Variants in XPO1 observed in about 807,000 individuals in gnomAD.
XPO1 encodes exportin 1.
In XPO1, 5 loss-of-function variants were observed where a neutral mutation model predicts 133.3. The observed-to-expected ratio is 0.04, with a 90% CI of 0.02 to 0.08. The LOEUF is 0.08. Among genes scored for constraint, XPO1 ranks in the 10% least tolerant of loss-of-function variants. The pLI is 1.00. For synonymous variants in XPO1, 419 were observed against 408.2 expected, an observed-to-expected ratio of 1.03 and a Z score of -0.32; for missense variants, 506 against 1,267.5, an observed-to-expected ratio of 0.40 and a Z score of 9.12.
rs201346154 is a variant in XPO1, at chr2:61,482,613, T to G, written c.2813-74A>C. On this transcript the variant is annotated intron_variant, in intron 22 of 24. Transcript: ENST00000401558. ...GATCTTAGCGTTTTTTTTTGTTTTG[T>G]TTTTTTTTTTTAGACGGAGTCTCGC... The G allele has an allele frequency of 8.7e-4, 82 of 93,850 alleles. No homozygotes were observed. In the African/African-American group the frequency reaches 0.026, roughly 30 times the overall value. The allele number at this position is 93,850 out of a possible 1,614,324, so 5.8% of individuals were successfully genotyped here. A position where few individuals can be genotyped will look rare whatever the true frequency, so the allele number is the denominator to read the frequency against.
chr2:61,479,988 C>G (rs1290561779), intron 24 of XPO1, among the ~76,000 whole-genome samples: 1 of 152,132 alleles, frequency 6.6e-6, no homozygotes, highest in Non-Finnish European at 1.5e-5. Context: ...CCTCTGCCTC[C>G]CGAGTAGCTG....
At chr2:61,520,258 A>G (rs1698625219) in intron 4 of XPO1, among the ~76,000 whole-genome samples, 1 of 152,236 alleles carries the variant, frequency 6.6e-6, no homozygotes, top group African/African-American at 2.4e-5. Context: ...TACCAAAGTT[A>G]CTTAAAGATG....
At chr2:61,533,678 TC>T (rs1699253305) in intron 2 of XPO1, 93 bp downstream of exon 2, 2 of 1,297,612 alleles carry the variant, frequency 1.5e-6, no homozygotes, top group Non-Finnish European at 1.0e-6. Flanking sequence ...CTATGGAATA[TC>T]TTTTTTAAAG....
At chr2:61,491,496 A>ACACACC (rs1491477036) in intron 16 of XPO1, among the ~76,000 whole-genome samples, 43 of 147,354 alleles carry the variant, frequency 2.9e-4, no homozygotes, top group African/African-American at 7.4e-4. Context: ...ACACACACAC[A>ACACACC]CCCCAAAACA....
intron 23 of XPO1, 55 bp from the exon 24 acceptor site, chr2:61,481,336 G>A (rs574848757): frequency 2.2e-6 from 3 of 1,369,164 alleles, no homozygotes; most frequent in Admixed American, 2.1e-5. Flanking sequence ...CCGAGACAGA[G>A]TATTGCTCTG....
intron 17 of XPO1, among the ~76,000 whole-genome samples, chr2:61,489,559 AT>A (rs1316706399): frequency 0.014 from 1,984 of 144,890 alleles, 39 homozygotes; most frequent in African/African-American, 0.044. Flanking sequence ...ATATAGTTCT[AT>A]TTTTTTTTTT....
At chr2:61,526,595 T>G in intron 2 of XPO1, 74 bp from the exon 3 acceptor site, 3 of 1,141,732 alleles carry the variant, frequency 2.6e-6, no homozygotes, top group Non-Finnish European at 3.5e-6. Flanking sequence ...TGAAAACTAC[T>G]GAGCAAGGCA....
intron 17 of XPO1, 68 bp downstream of exon 17, chr2:61,490,574 A>G (rs1479534075): frequency 1.3e-6 from 2 of 1,594,688 alleles, no homozygotes; most frequent in African/African-American, 1.4e-5. Flanking sequence ...CTTGAATTCA[A>G]TACATTTGTA....
intron 4 of XPO1, among the ~76,000 whole-genome samples, chr2:61,503,596 T>C (rs1697651998): frequency 6.6e-6 from 1 of 152,160 alleles, no homozygotes; most frequent in Non-Finnish European, 1.5e-5. Context: ...GGCTATTTTT[T>C]TGTATTTTTA....
chr2:61,502,191 A>G (rs1216913129), intron 5 of XPO1, 58 bp downstream of exon 5: 1 of 1,584,270 alleles, frequency 6.3e-7, no homozygotes, highest in East Asian at 2.2e-5. Flanking sequence ...GGTTGTAGTC[A>G]GACTCAATAT....
intron 4 of XPO1, among the ~76,000 whole-genome samples, chr2:61,510,108 G>A (rs1698016094): frequency 6.6e-6 from 1 of 151,882 alleles, no homozygotes; most frequent in Non-Finnish European, 1.5e-5. Context: ...GGTGAAACCT[G>A]TCTATTAAAA....
At chr2:61,533,210 A>G (rs1699234456) in intron 2 of XPO1, among the ~76,000 whole-genome samples, 1 of 152,160 alleles carries the variant, frequency 6.6e-6, no homozygotes, top group Non-Finnish European at 1.5e-5. Context: ...TAAAAAATCA[A>G]GTTTTTTTTC....
intron 17 of XPO1, among the ~76,000 whole-genome samples, chr2:61,489,564 T>C (rs972896547): frequency 6.6e-6 from 1 of 151,978 alleles, no homozygotes; most frequent in African/African-American, 2.4e-5. Context: ...GTTCTATTTT[T>C]TTTTTTTTGG....
intron 20 of XPO1, 44 bp from the exon 21 acceptor site, chr2:61,484,149 G>C: frequency 6.5e-7 from 1 of 1,541,070 alleles, no homozygotes; most frequent in Non-Finnish European, 9.0e-7. Context: ...CAGTGTCTTT[G>C]TTGTGCTAGA....
At chr2:61,532,405 G>A (rs1297199812) in intron 2 of XPO1, among the ~76,000 whole-genome samples, 9 of 152,024 alleles carry the variant, frequency 5.9e-5, no homozygotes, top group Non-Finnish European at 1.3e-4. Context: ...GGGATTACAG[G>A]CGTGAGCCAC....
At chr2:61,529,781 CATCA>C (rs1699074066) in intron 2 of XPO1, among the ~76,000 whole-genome samples, 1 of 152,164 alleles carries the variant, frequency 6.6e-6, no homozygotes, top group Non-Finnish European at 1.5e-5. Flanking sequence ...CTATCCCATA[CATCA>C]ATCAGGAAAA....
chr2:61,532,339 G>C (rs1316408494), intron 2 of XPO1, among the ~76,000 whole-genome samples: 2 of 151,884 alleles, frequency 1.3e-5, no homozygotes, highest in Non-Finnish European at 2.9e-5. Context: ...GTGTTAGCCA[G>C]GATGGTCTCG....
At chr2:61,515,073 A>G (rs960239268) in intron 4 of XPO1, among the ~76,000 whole-genome samples, 5 of 151,392 alleles carry the variant, frequency 3.3e-5, no homozygotes, top group African/African-American at 1.2e-4. Flanking sequence ...CTGTCTTAAA[A>G]AAAAAAAAAA....
rs1433481546 is a variant in XPO1, at chr2:61,479,465, A to AC, written c.3070-500_3070-499insG. 3.0e-4 allele frequency among the ~76,000 whole-genome samples: 45 copies of AC among 151,606 alleles called. No individual in the cohort carries two copies. In the East Asian group the frequency reaches 6.2e-3, roughly 21 times the overall value. On this transcript the variant is annotated intron_variant, in intron 24 of 24. Transcript: ENST00000401558. ...GAGACTGTGCCCCCCCAAAAAAAAC[A>AC]AAAAAAATGGTGTGATACCTTACAG...
Sources: gnomAD v4.1 joint callset for allele counts (sites outside exome capture counted in the v4.1 genomes callset) on GRCh38, gnomAD v4.1.1 for gene constraint, MANE v1.5 for transcripts, NCBI Gene and HGNC (gene_info 2026-07-23, HGNC 2026-07-21) for gene names.